Variants in AKAP10 observed in about 807,000 individuals in gnomAD.
AKAP10 encodes A-kinase anchoring protein 10, also known as A-kinase anchor protein 10, mitochondrial.
Under a neutral mutation model 80.8 loss-of-function variants are expected in AKAP10, and 24 were observed. The ratio of observed to expected loss-of-function variants is 0.30; its 90% CI spans 0.22 to 0.42. AKAP10 has a LOEUF of 0.42. AKAP10 is among the 10% of genes least tolerant of loss of function. The pLI, the probability that AKAP10 is intolerant of heterozygous loss-of-function variation, is 1.00. For missense variants in AKAP10, 661 were observed against 794.9 expected (o/e 0.83, Z 2.03); for synonymous variants, 291 against 277.7 (o/e 1.05, Z -0.48).
At position 19,947,514 on chromosome 17, in the gene AKAP10, G is replaced by C. The variant is rs377114557; in HGVS notation, c.878-9C>G. Reference sequence around the variant, plus strand: ...TGCATCTTGTTCTATACCTGCAAGGGAAGAAGAGAACTTCAAAAACCAAAA... The same window carrying C: ...TGCATCTTGTTCTATACCTGCAAGGCAAGAAGAGAACTTCAAAAACCAAAA... On this transcript the variant is annotated splice_polypyrimidine_tract_variant and intron_variant, in intron 4 of 14. Coordinates refer to ENST00000225737, the MANE Select transcript of AKAP10 (RefSeq NM_007202.4). The C allele has an allele frequency of 6.3e-7, 1 of 1,598,410 alleles. No individual in the cohort carries two copies. Among genetic ancestry groups the C allele is most frequent in the Non-Finnish European group, 8.6e-7 (1 of 1,167,242 alleles).
intron 1 of AKAP10, among the ~76,000 whole-genome samples, chr17:19,973,864 G>C (rs907785760): frequency 6.6e-6 from 1 of 152,216 alleles, no homozygotes; most frequent in African/African-American, 2.4e-5. Flanking sequence ...TAGGAGGAAA[G>C]AAGAGGTTCA....
At chr17:19,921,614 T>C (rs777408036) in intron 11 of AKAP10, among the ~76,000 whole-genome samples, 4 of 151,832 alleles carry the variant, frequency 2.6e-5, no homozygotes, top group Admixed American at 1.3e-4. Flanking sequence ...GATGGAAGGA[T>C]TGCTTGAGCC....
At chr17:19,936,832 A>C (rs2042997922) in intron 8 of AKAP10, among the ~76,000 whole-genome samples, 1 of 152,240 alleles carries the variant, frequency 6.6e-6, no homozygotes, top group Non-Finnish European at 1.5e-5. Context: ...AAGCGAGCTG[A>C]GAACTTGTAT....
At position 19,906,182 on chromosome 17, in the gene AKAP10, T is replaced by C; in HGVS notation, c.*45A>G. 6.3e-7 allele frequency: 1 copy of C among 1,586,848 alleles called. No individual in the cohort carries two copies. The highest frequency in any genetic ancestry group is 8.6e-7 in the Non-Finnish European group (1 of 1,158,442). ...AAGAATCCAACCAAGGGAAAAAAGT[T>C]CTCTTATTTTTCACAAGCAGATTTC... On this transcript the variant is annotated 3_prime_UTR_variant, in exon 15 of 15. Coordinates refer to ENST00000225737, the MANE Select transcript of AKAP10 (RefSeq NM_007202.4).
intron 12 of AKAP10, among the ~76,000 whole-genome samples, chr17:19,916,981 C>T (rs1008663193): frequency 2.0e-5 from 3 of 150,752 alleles, no homozygotes; most frequent in African/African-American, 7.3e-5. Context: ...ACAAAAAAAC[C>T]AGGCCAGGCA....
intron 5 of AKAP10, among the ~76,000 whole-genome samples, chr17:19,944,907 G>A (rs2043087206): frequency 2.0e-5 from 3 of 152,164 alleles, no homozygotes; most frequent in Admixed American, 2.0e-4. Flanking sequence ...TTTAAAACAA[G>A]ACTATGCAAA....
intron 12 of AKAP10, among the ~76,000 whole-genome samples, chr17:19,918,017 C>T (rs1395349171): frequency 6.6e-6 from 1 of 151,328 alleles, no homozygotes; most frequent in Non-Finnish European, 1.5e-5. Context: ...TCAGGAGTTC[C>T]GAGACCAGCC....
chr17:19,921,698 A>C (rs527899985), intron 11 of AKAP10, among the ~76,000 whole-genome samples: 33 of 152,048 alleles, frequency 2.2e-4, no homozygotes, highest in African/African-American at 7.5e-4. Flanking sequence ...TTTCAAAAAA[A>C]AATTTTTTAA....
intron 9 of AKAP10, among the ~76,000 whole-genome samples, chr17:19,933,815 TAC>T (rs952361982): frequency 9.2e-5 from 14 of 152,278 alleles, no homozygotes; most frequent in African/African-American, 3.4e-4. Context: ...ACATGACACA[TAC>T]AAGCAACATA....
At chr17:19,928,288 C>T (rs1020746280) in intron 10 of AKAP10, among the ~76,000 whole-genome samples, 3 of 152,038 alleles carry the variant, frequency 2.0e-5, no homozygotes, top group African/African-American at 7.2e-5. Context: ...AAACATTTTT[C>T]CAAAGCTAGA....
chr17:19,945,883 A>G (rs914551199), intron 5 of AKAP10, among the ~76,000 whole-genome samples: 2 of 152,132 alleles, frequency 1.3e-5, no homozygotes, highest in East Asian at 3.9e-4. Flanking sequence ...TGAGAATGTA[A>G]TATTTATTGA....
In AKAP10 at chr17:19,958,188, G is replaced by C; in HGVS notation, c.703C>G (p.His235Asp). 6.2e-7 allele frequency: 1 copy of C among 1,614,214 alleles called. No homozygotes were observed. The highest frequency in any genetic ancestry group is 8.5e-7 in the Non-Finnish European group (1 of 1,180,042). ...TCACATTCCTGGGAAAGCAGCAAGT[G>C]ATTCTGAGTGCTGTTAGTTCTATTA... ...LNNRTNSTQN[H>D]LLLSQECDSA... The change falls in exon 4 of 15, where the codon CAC becomes GAC. Residue 235 changes from histidine (H) to aspartate (D), a missense_variant. Transcript: ENST00000225737.
intron 3 of AKAP10, 58 bp from the exon 4 acceptor site, chr17:19,958,629 G>C: frequency 3.5e-6 from 5 of 1,437,938 alleles, no homozygotes; most frequent in Non-Finnish European, 4.7e-6. Context: ...CAGATTGACA[G>C]ATTAGTCAAT....
intron 2 of AKAP10, 106 bp downstream of exon 2, chr17:19,968,308 G>A: frequency 1.2e-6 from 1 of 817,070 alleles, no homozygotes; most frequent in Non-Finnish European, 1.9e-6. Context: ...ATAAAATAAG[G>A]CAGAAATGAT....
At chr17:19,937,274 G>A (rs926120942) in intron 8 of AKAP10, among the ~76,000 whole-genome samples, 1 of 152,220 alleles carries the variant, frequency 6.6e-6, no homozygotes, top group Non-Finnish European at 1.5e-5. Flanking sequence ...GGCAGTGGTG[G>A]GTGGATCACT....
intron 5 of AKAP10, among the ~76,000 whole-genome samples, chr17:19,945,325 G>A (rs546542214): frequency 5.3e-5 from 8 of 152,096 alleles, no homozygotes; most frequent in African/African-American, 1.9e-4. Flanking sequence ...AACTGGTACA[G>A]ACTCCCCTCA....
chr17:19,937,909 A>T lies in AKAP10; in HGVS notation c.1323-1479T>A, dbSNP rs570572513. On this transcript the variant is annotated intron_variant, in intron 8 of 14. Transcript: ENST00000225737. ...GAATTATCTGGTATGTCTTCTAAAA[A>T]TAAAGATTCCTGGTCACACCTCAAA... 1.2e-4 allele frequency among the ~76,000 whole-genome samples: 18 copies of T among 152,196 alleles called. No homozygotes were observed. In the East Asian group the frequency reaches 3.5e-3, roughly 29 times the overall value.
chr17:19,924,317 G>C (rs2042850789), intron 11 of AKAP10, 91 bp downstream of exon 11: 5 of 909,028 alleles, frequency 5.5e-6, no homozygotes, highest in Non-Finnish European at 8.0e-6. Context: ...TATAATAATA[G>C]ATTAGAAAAA....
At position 19,932,080 on chromosome 17, in the gene AKAP10, T is replaced by C. The variant is rs2042939840; in HGVS notation, c.1468-102A>G. 3.0e-6 allele frequency: 3 copies of C among 1,002,316 alleles called. No homozygotes were observed. In the African/African-American group the frequency reaches 4.9e-5, roughly 16 times the overall value. The allele number at this position is 1,002,316 out of a possible 1,614,324, so 62.1% of individuals were successfully genotyped here. On this transcript the variant is annotated intron_variant, in intron 9 of 14. Coordinates refer to ENST00000225737, the MANE Select transcript of AKAP10 (RefSeq NM_007202.4). ...CTATAATTCTACTGGTTACAAATGT[T>C]AACTACCTATAACAAATGTTTTTAC...
Sources: allele counts gnomAD v4.1 joint callset (sites outside exome capture counted in the v4.1 genomes callset), GRCh38; gene constraint gnomAD v4.1.1; transcripts MANE v1.5; gene names NCBI Gene and HGNC (gene_info 2026-07-23, HGNC 2026-07-21).